Variants in CDCA8 observed in about 807,000 individuals in gnomAD.
The protein encoded by CDCA8 is cell division cycle associated 8.
Under a neutral mutation model 40.0 loss-of-function variants are expected in CDCA8, and 25 were observed. That is an observed-to-expected ratio of 0.63 (90% confidence interval 0.46 to 0.87). The LOEUF (loss-of-function observed/expected upper bound fraction) is 0.87, where lower values mean the gene tolerates loss of function less well. CDCA8 is among the 40% of genes least tolerant of loss of function. The probability of loss-of-function intolerance (pLI) is 0.00; values close to 1 mark genes in which losing one functional copy is unlikely to be tolerated. For synonymous variants in CDCA8, 111 were observed against 126.5 expected, an observed-to-expected ratio of 0.88 and a Z score of 0.82; for missense variants, 280 against 348.4, an observed-to-expected ratio of 0.80 and a Z score of 1.56.
At chr1:37,693,857 G>C (rs999803202) in intron 2 of CDCA8, among the ~76,000 whole-genome samples, 1 of 152,174 alleles carries the variant, frequency 6.6e-6, no homozygotes, top group Non-Finnish European at 1.5e-5. Flanking sequence ...GGCGCATCAG[G>C]CTGGGCGTGG....
chr1:37,700,613 G>A (rs1645557436), intron 5 of CDCA8, 92 bp downstream of exon 5: 1 of 774,298 alleles, frequency 1.3e-6, no homozygotes, highest in Non-Finnish European at 2.3e-6. Context: ...AGAGCTCACA[G>A]TTTAGTAGAG....
Position 37,709,458 on chromosome 1 carries a change from G to A in CDCA8, c.*1092G>A, listed in dbSNP as rs1645624709. On this transcript the variant is annotated 3_prime_UTR_variant, in exon 10 of 10. Coordinates refer to ENST00000373055, the MANE Select transcript of CDCA8 (RefSeq NM_001256875.2). Reference sequence around the variant, plus strand: ...ATCATGTGCTATGTTCTAAGAATTTGAGAACTAGAGTCCTCATCCCCAGGC... The same window carrying A: ...ATCATGTGCTATGTTCTAAGAATTTAAGAACTAGAGTCCTCATCCCCAGGC... 2.6e-5 allele frequency: 4 copies of A among 152,204 alleles called. No individual in the cohort carries two copies. The South Asian group carries it at 8.3e-4, about 32-fold the overall frequency. The allele number at this position is 152,204 out of a possible 1,614,324, so 9.4% of individuals were successfully genotyped here. A position where few individuals can be genotyped will look rare whatever the true frequency, so the allele number is the denominator to read the frequency against.
Position 37,701,695 on chromosome 1 carries a change from C to T in CDCA8, c.424-59C>T, listed in dbSNP as rs910694149. On this transcript the variant is annotated intron_variant, in intron 5 of 9. Transcript: ENST00000373055. ...CTTTAAAAAAAAAAAAAAAACCCTC[C>T]TTACCTTCCTCTTTGCTGGGTTTTT... The T allele has an allele frequency of 1.8e-5, 21 of 1,164,866 alleles. No homozygotes were observed. The African/African-American group carries it at 2.4e-4, about 13-fold the overall frequency. The allele number at this position is 1,164,866 out of a possible 1,614,324, so 72.2% of individuals were successfully genotyped here. A position where few individuals can be genotyped will look rare whatever the true frequency, so the allele number is the denominator to read the frequency against.
rs202109174 is a variant in CDCA8, at chr1:37,700,612, A to AGTTT, written c.423+92_423+95dup. On this transcript the variant is annotated intron_variant, in intron 5 of 9. Coordinates refer to ENST00000373055, the MANE Select transcript of CDCA8 (RefSeq NM_001256875.2). ...TACACTGTTGTACACCAGAGCTCAC[A>AGTTT]GTTTAGTAGAGATGATCCTACTTTA... The AGTTT allele has an allele frequency of 1.8e-3, 1,367 of 776,838 alleles. 7 individuals are homozygous for AGTTT. In the African/African-American group the frequency reaches 0.02, roughly 11 times the overall value. The allele number at this position is 776,838 out of a possible 1,614,324, so 48.1% of individuals were successfully genotyped here. A position where few individuals can be genotyped will look rare whatever the true frequency, so the allele number is the denominator to read the frequency against.
rs940792179 is a variant in CDCA8 at position 37,696,265 on chromosome 1, G to A, written c.264+315G>A. On this transcript the variant is annotated intron_variant, in intron 3 of 9. Transcript: ENST00000373055. This position sits in a 1 kb window ranked among gnomAD's most constrained non-coding sequence, Gnocchi z 5.0. ...CATTACACTATGCATTGGCCTGCTA[G>A]ATGATAAAGGTGTTTCATCATGTCG... is the stretch of plus-strand genomic sequence containing the variant. Among the ~76,000 whole-genome samples the A allele has an allele frequency of 6.6e-6, 1 of 152,184 alleles. No individual in the cohort carries two copies. The highest frequency in any genetic ancestry group is 2.4e-5 in the African/African-American group (1 of 41,426).
At chr1:37,703,168 T>A in intron 6 of CDCA8, 84 bp from the exon 7 acceptor site, 1 of 1,037,526 alleles carries the variant, frequency 9.6e-7, no homozygotes, top group Non-Finnish European at 1.5e-6. Flanking sequence ...TATCTCACAG[T>A]CAGCTCTCCA....
chr1:37,693,397 TA>T (rs1645492525), intron 2 of CDCA8, among the ~76,000 whole-genome samples: 1 of 146,026 alleles, frequency 6.8e-6, no homozygotes, highest in Non-Finnish European at 1.5e-5. Context: ...GAAATTTATT[TA>T]ATTTTTTTTA....
Position 37,708,418 on chromosome 1 carries a change from A to G in CDCA8, c.*52A>G. 1 of 1,516,446 alleles carries G rather than the reference A, an allele frequency of 6.6e-7. No homozygotes were observed. The highest frequency in any genetic ancestry group is 9.2e-7 in the Non-Finnish European group (1 of 1,091,434). The allele number at this position is 1,516,446 out of a possible 1,614,324, so 93.9% of individuals were successfully genotyped here. On this transcript the variant is annotated 3_prime_UTR_variant, in exon 10 of 10. Coordinates refer to ENST00000373055, the MANE Select transcript of CDCA8 (RefSeq NM_001256875.2). ...TTAATGGGCACTTCTGGGACCCTGAAGAGACTTCTTCCCTTCAGGCTTATT... is the reference window on the plus strand; with the variant it reads ...TTAATGGGCACTTCTGGGACCCTGAGGAGACTTCTTCCCTTCAGGCTTATT...
intron 7 of CDCA8, 65 bp from the exon 8 acceptor site, chr1:37,705,376 A>G (rs1645591230): frequency 2.0e-6 from 3 of 1,507,884 alleles, no homozygotes; most frequent in East Asian, 2.3e-5. Context: ...TAAGGTTAAA[A>G]TGGCCTATAG....
At chr1:37,703,430 C>A in intron 7 of CDCA8, 83 bp downstream of exon 7, 2 of 1,055,244 alleles carry the variant, frequency 1.9e-6, no homozygotes, top group Non-Finnish European at 3.0e-6. Context: ...AGAAAATACT[C>A]CTAGGCCAGG....
chr1:37,703,112 G>C lies in CDCA8; in HGVS notation c.489-140G>C, dbSNP rs1479035085. The C allele has an allele frequency of 2.6e-5, 19 of 717,736 alleles. No individual in the cohort carries two copies. In the Admixed American group the frequency reaches 3.3e-4, roughly 13 times the overall value. The allele number at this position is 717,736 out of a possible 1,614,324, so 44.5% of individuals were successfully genotyped here. A position where few individuals can be genotyped will look rare whatever the true frequency, so the allele number is the denominator to read the frequency against. On this transcript the variant is annotated intron_variant, in intron 6 of 9. Transcript: ENST00000373055. ...GATGGCAGCAGTGCTGGCCTCCCGT[G>C]TTAGAAGGGTCACGTGAGTCGATGT...
In CDCA8 at chr1:37,693,042, TGGAGAGCTTCCCTGGGC is replaced by T; in HGVS notation, c.223+14_223+30del. On this transcript the variant is annotated intron_variant, in intron 2 of 9. Coordinates refer to ENST00000373055, the MANE Select transcript of CDCA8 (RefSeq NM_001256875.2). ...CTGGCTTGACTACTTCGGTAAGAGC[TGGAGAGCTTCCCTGGGC>T]GGAGGCCAGGAGCCCCTTGGGGTTA... is the stretch of plus-strand genomic sequence containing the variant. 1.9e-6 allele frequency: 3 copies of T among 1,613,058 alleles called. No homozygotes were observed. Among genetic ancestry groups the T allele is most frequent in the Non-Finnish European group, 2.5e-6 (3 of 1,179,264 alleles).
chr1:37,695,048 C>T, intron 2 of CDCA8, among the ~76,000 whole-genome samples: 1 of 152,116 alleles, frequency 6.6e-6, no homozygotes. Context: ...TTGCAGCAAA[C>T]TGCTGAGATA....
At chr1:37,693,784 A>T (rs1311869261) in intron 2 of CDCA8, among the ~76,000 whole-genome samples, 1 of 152,200 alleles carries the variant, frequency 6.6e-6, no homozygotes, top group Non-Finnish European at 1.5e-5. Flanking sequence ...ACCAGAGCTC[A>T]GATAGAAGAA....
At chr1:37,707,094 G>T in intron 9 of CDCA8, 30 bp downstream of exon 9, 1 of 1,525,182 alleles carries the variant, frequency 6.6e-7, no homozygotes, top group Non-Finnish European at 9.1e-7. Flanking sequence ...CCACACATAG[G>T]ATGCCTCCAG....
intron 9 of CDCA8, 43 bp downstream of exon 9, chr1:37,707,107 G>C: frequency 7.3e-7 from 1 of 1,367,808 alleles, no homozygotes; most frequent in Non-Finnish European, 1.0e-6. Flanking sequence ...GCCTCCAGTA[G>C]CTTTCTTGGG....
intron 4 of CDCA8, 53 bp from the exon 5 acceptor site, chr1:37,700,383 A>C (rs766987832): frequency 1.8e-6 from 2 of 1,084,248 alleles, no homozygotes; most frequent in South Asian, 2.6e-5. Context: ...ATGTGAATGC[A>C]CAAAACTTTA....
intron 4 of CDCA8, among the ~76,000 whole-genome samples, 172 bp from the exon 5 acceptor site, chr1:37,700,264 C>T (rs1467849105): frequency 1.3e-5 from 2 of 152,238 alleles, no homozygotes; most frequent in Admixed American, 1.3e-4. Flanking sequence ...TCTCTTAACA[C>T]TCTGGTTAGT....
intron 7 of CDCA8, among the ~76,000 whole-genome samples, chr1:37,704,532 A>G (rs967050040): frequency 7.9e-5 from 12 of 151,488 alleles, no homozygotes; most frequent in Admixed American, 6.6e-5. Flanking sequence ...TTCTGGAAGG[A>G]TAGATAAGGA....
Sources: gnomAD v4.1 joint callset for allele counts (sites outside exome capture counted in the v4.1 genomes callset) on GRCh38, gnomAD v4.1.1 for gene constraint, Gnocchi (gnomAD v3.1) non-coding constraint, MANE v1.5 for transcripts, NCBI Gene and HGNC (gene_info 2026-07-23, HGNC 2026-07-21) for gene names.